PATJ: variants seen among roughly 807,000 people sequenced by gnomAD.
PATJ encodes the protein inaD-like protein.
PATJ carries 190 observed loss-of-function variants against 224.9 expected under a neutral mutation model. The ratio of observed to expected loss-of-function variants is 0.84; its 90% confidence interval spans 0.75 to 0.95. The LOEUF is 0.95. PATJ is among the 40% of genes least tolerant of loss of function. PATJ has a pLI of 0.00. For missense variants in PATJ, 2,121 were observed against 2,270.3 expected (o/e 0.93, Z 1.34); for synonymous variants, 769 against 820.3 (o/e 0.94, Z 1.07).
chr1:61,812,060 C>CA (rs370771926), intron 14 of PATJ, among the ~76,000 whole-genome samples: 4,371 of 144,462 alleles, frequency 0.03, 219 homozygotes, highest in African/African-American at 0.1. Context: ...GACTCCATCT[C>CA]AAAAAAAAAA....
At chr1:62,140,950 C>T (rs921927722) in intron 41 of PATJ, among the ~76,000 whole-genome samples, 2 of 151,778 alleles carry the variant, frequency 1.3e-5, no homozygotes, top group Non-Finnish European at 2.9e-5. Context: ...TCCTAGAAAG[C>T]TAGGAAGGTT....
intron 1 of PATJ, among the ~76,000 whole-genome samples, chr1:61,748,026 G>A (rs757699181): frequency 1.2e-4 from 19 of 152,160 alleles, no homozygotes; most frequent in Non-Finnish European, 2.2e-4. Context: ...GATTACAGGC[G>A]TGCGCCACCA....
intron 41 of PATJ, among the ~76,000 whole-genome samples, chr1:62,136,140 G>C (rs1811891): frequency 0.68 from 101,058 of 149,096 alleles, 33,934 homozygotes; most frequent in Admixed American, 0.75. Flanking sequence ...CAATTCTCCT[G>C]CCTCAGCCTC....
At chr1:61,807,278 A>G (rs535390588) in intron 13 of PATJ, among the ~76,000 whole-genome samples, 29 of 152,320 alleles carry the variant, frequency 1.9e-4, no homozygotes, top group African/African-American at 6.7e-4. Flanking sequence ...TCTGGGCTCA[A>G]GTGATCTCCC....
At chr1:62,068,334 G>A (rs1212468859) in intron 31 of PATJ, among the ~76,000 whole-genome samples, 4 of 152,164 alleles carry the variant, frequency 2.6e-5, no homozygotes, top group Admixed American at 2.6e-4. Flanking sequence ...TAGTTAGTTT[G>A]TTTGTTTTTC....
intron 31 of PATJ, among the ~76,000 whole-genome samples, chr1:62,056,503 G>A (rs932107141): frequency 1.3e-4 from 20 of 152,064 alleles, no homozygotes; most frequent in Admixed American, 5.2e-4. Flanking sequence ...ACCCCAGCCT[G>A]GGTGACAGAG....
intron 31 of PATJ, among the ~76,000 whole-genome samples, chr1:62,061,615 C>T (rs946970844): frequency 2.0e-5 from 3 of 152,122 alleles, no homozygotes; most frequent in Non-Finnish European, 2.9e-5. Flanking sequence ...AACATGATTT[C>T]GTTGAGTGTT....
At chr1:62,038,927 T>G in intron 30 of PATJ, 1 of 1,057,032 alleles carries the variant, frequency 9.5e-7, no homozygotes, top group South Asian at 1.3e-5. Flanking sequence ...TCACTTAATC[T>G]GGGTTGCCAT....
chr1:61,762,402 T>C (rs2148289275), intron 1 of PATJ, among the ~76,000 whole-genome samples: 1 of 152,302 alleles, frequency 6.6e-6, no homozygotes, highest in South Asian at 2.1e-4. Flanking sequence ...TGTTTATTCA[T>C]CTGTTACTAG....
At chr1:62,048,564 A>G (rs1173899963) in intron 30 of PATJ, among the ~76,000 whole-genome samples, 44 of 132,890 alleles carry the variant, frequency 3.3e-4, no homozygotes, top group African/African-American at 1.0e-3. Context: ...AAAAAAAAAA[A>G]AAAAAAGAAA....
intron 34 of PATJ, among the ~76,000 whole-genome samples, chr1:62,113,453 ATG>A (rs1489141871): frequency 1.3e-5 from 2 of 152,162 alleles, no homozygotes; most frequent in African/African-American, 4.8e-5. Context: ...CCTGGGCAAT[ATG>A]GCAAGACCTC....
chr1:61,918,050 T>C (rs1423624783), intron 26 of PATJ: 1 of 141,628 alleles, frequency 7.1e-6, no homozygotes, highest in Non-Finnish European at 1.5e-5. Context: ...AGACTCTGTC[T>C]CAAAAAAAAA....
intron 22 of PATJ, 48 bp from the exon 23 acceptor site, chr1:61,899,535 T>G: frequency 1.6e-6 from 2 of 1,286,472 alleles, no homozygotes; most frequent in Non-Finnish European, 2.2e-6. Flanking sequence ...CCTTTAATAA[T>G]GAGTATGCCC....
chr1:62,116,529 C>T lies in PATJ; in HGVS notation c.4656-3C>T, dbSNP rs750346413. 4 of 1,613,806 alleles carry T rather than the reference C, an allele frequency of 2.5e-6. No homozygotes were observed. The highest frequency in any genetic ancestry group is 1.7e-5 in the Admixed American group (1 of 59,974). On this transcript the variant is annotated splice_region_variant and splice_polypyrimidine_tract_variant and intron_variant, in intron 35 of 43. Coordinates refer to ENST00000642238, the MANE Select transcript of PATJ (RefSeq NM_001350145.3). Reference sequence around the variant, plus strand: ...ATACTGCACTGCTGTATGGTATTAACAGAAATGGAAGCGGAGTGTTTATTT... The same window carrying T: ...ATACTGCACTGCTGTATGGTATTAATAGAAATGGAAGCGGAGTGTTTATTT...
intron 27 of PATJ, among the ~76,000 whole-genome samples, chr1:61,988,946 A>T (rs1557999484): frequency 6.6e-6 from 1 of 152,222 alleles, no homozygotes; most frequent in Non-Finnish European, 1.5e-5. Flanking sequence ...CAAGAGGGTC[A>T]CAATCTACGA....
At position 62,106,158 on chromosome 1, in the gene PATJ, G is replaced by GTATATATA. The variant is rs61653676; in HGVS notation, c.4378-2257_4378-2250dup. On this transcript the variant is annotated intron_variant, in intron 33 of 43. Transcript: ENST00000642238. ...TACATGTGTATATGTGTGTGTGTGTGTATATATATATATATATATATATAT... is the reference window on the plus strand; with the variant it reads ...TACATGTGTATATGTGTGTGTGTGTGTATATATATATATATATATATATATATATATAT... Among the ~76,000 whole-genome samples, 58 of 48,032 alleles carry GTATATATA rather than the reference G, an allele frequency of 1.2e-3. 3 individuals are homozygous for GTATATATA. The highest frequency in any genetic ancestry group is 0.011 in the South Asian group (10 of 930). 31.5% of individuals were successfully genotyped at this position (48,032 alleles called of 152,430 possible).
chr1:62,038,115 C>G, intron 30 of PATJ, 66 bp downstream of exon 30: 1 of 1,017,368 alleles, frequency 9.8e-7, no homozygotes, highest in Non-Finnish European at 1.4e-6. Context: ...TTCCCCCAAT[C>G]TGACATTTTT....
chr1:62,034,927 G>A (rs895724502), intron 29 of PATJ, among the ~76,000 whole-genome samples: 7 of 152,170 alleles, frequency 4.6e-5, no homozygotes, highest in East Asian at 1.9e-4. Context: ...TTTTAATGCC[G>A]GTAACCTTTG....
At chr1:61,886,589 G>T (rs1464976508) in intron 22 of PATJ, among the ~76,000 whole-genome samples, 1 of 152,000 alleles carries the variant, frequency 6.6e-6, no homozygotes, top group Non-Finnish European at 1.5e-5. Flanking sequence ...GGAGGCTGAG[G>T]TGGGTAGATC....
Sources: allele counts gnomAD v4.1 joint callset (sites outside exome capture counted in the v4.1 genomes callset), GRCh38; gene constraint gnomAD v4.1.1; transcripts MANE v1.5; gene names NCBI Gene and HGNC (gene_info 2026-07-23, HGNC 2026-07-21).